Variants in RANBP2 observed in about 807,000 individuals in gnomAD.
RANBP2 encodes RAN binding protein 2, also known as E3 SUMO-protein ligase RanBP2.
RANBP2 carries 57 observed loss-of-function variants against 303.6 expected under a neutral mutation model. The ratio of observed to expected loss-of-function variants is 0.19; its 90% CI spans 0.15 to 0.23. The LOEUF is 0.23. RANBP2 is among the 10% of genes least tolerant of loss of function. The pLI is 1.00. For missense variants in RANBP2, 3,138 were observed against 3,780.8 expected (o/e 0.83, Z 4.46); for synonymous variants, 1,167 against 1,301.5 (o/e 0.90, Z 2.23).
the RANBP2 span, among the ~76,000 whole-genome samples, chr2:109,570,086 T>C: frequency 6.6e-6 from 1 of 152,174 alleles, no homozygotes; most frequent in South Asian, 2.1e-4. Flanking sequence ...TTTCAGCATA[T>C]CCTAGTTTTT....
At chr2:109,079,522 G>GTA in the RANBP2 span, among the ~76,000 whole-genome samples, 1 of 152,134 alleles carries the variant, frequency 6.6e-6, no homozygotes, top group Non-Finnish European at 1.5e-5. Context: ...TACCTTAAAT[G>GTA]TATATACTTT....
the RANBP2 span, among the ~76,000 whole-genome samples, chr2:108,843,552 A>G: frequency 6.6e-6 from 1 of 152,190 alleles, no homozygotes; most frequent in Non-Finnish European, 1.5e-5. Context: ...TGGGTATCAG[A>G]TTCTAGTGTG....
chr2:109,594,694 A>T, the RANBP2 span: 1 of 152,238 alleles, frequency 6.6e-6, no homozygotes, highest in African/African-American at 2.4e-5. Context: ...CCTCACCGTG[A>T]TCCTCTGTGC....
the RANBP2 span, chr2:109,733,061 T>C: frequency 1.8e-6 from 1 of 558,924 alleles, no homozygotes; most frequent in South Asian, 1.4e-5. Context: ...GAGAAACTTG[T>C]CTTGTAGCCG....
At chr2:108,847,148 G>A in the RANBP2 span, among the ~76,000 whole-genome samples, 388 of 152,274 alleles carry the variant, frequency 2.5e-3, 3 homozygotes, top group South Asian at 0.04. Context: ...GCCTTTGATT[G>A]TCTTAGGTCA....
chr2:108,758,614 T>C, intron 18 of RANBP2, 66 bp downstream of exon 18: 1 of 1,607,920 alleles, frequency 6.2e-7, no homozygotes, highest in African/African-American at 1.4e-5. Flanking sequence ...TTTAAGTAGA[T>C]AACGTGTGAA....
At chr2:108,876,540 A>T in the RANBP2 span, 1 of 205,342 alleles carries the variant, frequency 4.9e-6, no homozygotes, top group East Asian at 1.1e-4. Flanking sequence ...TCTTAAAATT[A>T]TGTGATTATT....
At chr2:109,019,091 T>C in the RANBP2 span, among the ~76,000 whole-genome samples, 1 of 152,148 alleles carries the variant, frequency 6.6e-6, no homozygotes, top group Non-Finnish European at 1.5e-5. Context: ...AGTGTGATGG[T>C]TTGTAGCCAC....
chr2:109,331,597 T>C, the RANBP2 span, among the ~76,000 whole-genome samples: 1 of 152,214 alleles, frequency 6.6e-6, no homozygotes, highest in Non-Finnish European at 1.5e-5. Context: ...CGGTCTTCAC[T>C]ATACTACGTA....
the RANBP2 span, among the ~76,000 whole-genome samples, chr2:109,450,935 C>A: frequency 2.6e-5 from 4 of 152,256 alleles, no homozygotes; most frequent in South Asian, 8.3e-4. Flanking sequence ...CAGGCAAGGA[C>A]AGCCTCTCTC....
Position 108,763,778 on chromosome 2 carries a change from G to T in RANBP2, c.3239G>T (p.Gly1080Val). Residue 1080 changes from glycine to valine, a missense_variant, in exon 20 of 29, where the codon GGC becomes GTC. Coordinates refer to ENST00000283195, the MANE Select transcript of RANBP2 (RefSeq NM_006267.5). ...TCAGATAAACCCTTGCAAGGAGATG[G>T]CTATAGTGGAGCCAAACCAATTCCT... ...LTSDKPLQGD[G>V]YSGAKPIPGG... The T allele has an allele frequency of 2.5e-6, 4 of 1,614,088 alleles. No homozygotes were observed. Among genetic ancestry groups the T allele is most frequent in the South Asian group, 1.1e-5 (1 of 91,078 alleles).
At chr2:109,730,376 G>T in the RANBP2 span, among the ~76,000 whole-genome samples, 1 of 152,274 alleles carries the variant, frequency 6.6e-6, no homozygotes, top group African/African-American at 2.4e-5. Context: ...GCATCCAGTT[G>T]ACTTGGTCCC....
Position 108,719,513 on chromosome 2 carries a change from T to A in RANBP2, c.-94T>A. ...GTCCTCCGCCGGCTACGGCGCTGCG[T>A]CACTGGTTTGCAGGCGCTTTCCTCT... is the stretch of plus-strand genomic sequence containing the variant. On this transcript the variant is annotated 5_prime_UTR_variant, in exon 1 of 29. Coordinates refer to ENST00000283195, the MANE Select transcript of RANBP2 (RefSeq NM_006267.5). The A allele has an allele frequency of 1.3e-6, 2 of 1,538,326 alleles. No individual in the cohort carries two copies. Among genetic ancestry groups the A allele is most frequent in the East Asian group, 2.4e-5 (1 of 41,110 alleles).
At chr2:108,945,752 T>C in the RANBP2 span, among the ~76,000 whole-genome samples, 1 of 152,208 alleles carries the variant, frequency 6.6e-6, no homozygotes, top group African/African-American at 2.4e-5. Context: ...TTCTGACACA[T>C]GCTACAGTAT....
the RANBP2 span, among the ~76,000 whole-genome samples, chr2:109,596,261 T>C: frequency 1.3e-5 from 2 of 152,150 alleles, no homozygotes; most frequent in African/African-American, 4.8e-5. Flanking sequence ...AATGATAGCA[T>C]ATCATGAGTT....
chr2:109,635,876 C>T, the RANBP2 span, among the ~76,000 whole-genome samples: 2 of 152,146 alleles, frequency 1.3e-5, no homozygotes, highest in Admixed American at 6.5e-5. Flanking sequence ...AATTGTATTA[C>T]GGTTATTAAG....
the RANBP2 span, among the ~76,000 whole-genome samples, chr2:109,485,772 A>G: frequency 1.3e-5 from 2 of 152,246 alleles, no homozygotes. Context: ...TATAACTCAT[A>G]AGCTCTCCCT....
At chr2:109,258,741 C>T in the RANBP2 span, among the ~76,000 whole-genome samples, 8 of 152,342 alleles carry the variant, frequency 5.3e-5, no homozygotes, top group East Asian at 1.9e-4. Context: ...ACATATAATA[C>T]GTGCTGCTTT....
chr2:109,410,086 C>T, the RANBP2 span, among the ~76,000 whole-genome samples: 21 of 152,320 alleles, frequency 1.4e-4, no homozygotes, highest in South Asian at 1.7e-3. Flanking sequence ...GGCCTGGTTC[C>T]CAGCCACTGC....
Sources: gnomAD v4.1 joint callset for allele counts (sites outside exome capture counted in the v4.1 genomes callset) on GRCh38, gnomAD v4.1.1 for gene constraint, MANE v1.5 for transcripts, NCBI Gene and HGNC (gene_info 2026-07-23, HGNC 2026-07-21) for gene names.